The following SHBG variants were observed in gnomAD, a reference collection of about 807,000 sequenced individuals.
SHBG encodes the protein sex hormone-binding globulin.
A neutral mutation model predicts 41.9 loss-of-function variants in SHBG; 37 were observed. The observed-to-expected ratio is 0.88, with a 90% CI of 0.68 to 1.16. The LOEUF (loss-of-function observed/expected upper bound fraction) is 1.16. SHBG is among the 50% of genes most tolerant of loss of function. The probability of loss-of-function intolerance (pLI) is 0.00; values close to 1 mark genes in which losing one functional copy is unlikely to be tolerated. For missense variants in SHBG, 466 were observed against 499.9 expected (o/e 0.93, Z 0.65); for synonymous variants, 217 against 205.8 (o/e 1.05, Z -0.47).
chr17:7,622,566 C>A (rs922350210), intron 1 of SHBG, among the ~76,000 whole-genome samples: 3 of 152,034 alleles, frequency 2.0e-5, no homozygotes. Context: ...AGCCACTGCG[C>A]CTGGCCTGGC....
intron 1 of SHBG, among the ~76,000 whole-genome samples, chr17:7,619,539 C>G (rs1242724540): frequency 1.3e-5 from 2 of 151,468 alleles, no homozygotes; most frequent in Admixed American, 6.6e-5. Context: ...AACCCCATCT[C>G]TACTAAAAAT....
chr17:7,625,736 C>T (rs571474982), upstream of SHBG, among the ~76,000 whole-genome samples: 31 of 150,900 alleles, frequency 2.1e-4, no homozygotes, highest in Middle Eastern at 3.4e-3. Flanking sequence ...ACTAAAAATA[C>T]GAAAATTAGC....
At chr17:7,614,723 T>TCCGCCG (rs1240216771) in intron 1 of SHBG, 2 of 267,470 alleles carry the variant, frequency 7.5e-6, no homozygotes, top group East Asian at 1.4e-4. Context: ...CCGCTCCCCG[T>TCCGCCG]CCGCCGCCGC....
chr17:7,626,966 A>G, upstream of SHBG: 1 of 1,613,956 alleles, frequency 6.2e-7, no homozygotes, highest in Non-Finnish European at 8.5e-7. Context: ...CATCACATAG[A>G]TATCCTCCAG....
At position 7,630,413 on chromosome 17, in the gene SHBG, T is replaced by C. The variant is rs375759256; in HGVS notation, c.112-3T>C. On this transcript the variant is annotated splice_polypyrimidine_tract_variant and splice_region_variant and intron_variant, in intron 1 of 7. Coordinates refer to ENST00000380450, the MANE Select transcript of SHBG (RefSeq NM_001040.5). The surrounding 1 kb of genome is among the most constrained non-coding windows in gnomAD (Gnocchi z 4.6). ...AGCTTTGTTTGTTTTCTCTTTCTGA[T>C]AGAGTGCCCACGACCCTCCGGCTGT... 3.1e-6 allele frequency: 5 copies of C among 1,613,626 alleles called. No individual in the cohort carries two copies. The highest frequency in any genetic ancestry group is 2.2e-5 in the South Asian group (2 of 91,066).
At chr17:7,631,543 T>A (rs2072413560) in intron 4 of SHBG, 46 bp from the exon 5 acceptor site, 1 of 1,610,194 alleles carries the variant, frequency 6.2e-7, no homozygotes, top group Non-Finnish European at 8.5e-7. Flanking sequence ...GCGGCTCCGA[T>A]GCCCTGATTT....
At chr17:7,632,654 A>C (rs2072455578) in intron 6 of SHBG, 98 bp from the exon 7 acceptor site, 1 of 929,934 alleles carries the variant, frequency 1.1e-6, no homozygotes, top group East Asian at 2.4e-5. Flanking sequence ...GGCATAGCGA[A>C]GAGGCAGAAT....
At chr17:7,618,422 C>G (rs563638712) in intron 1 of SHBG, among the ~76,000 whole-genome samples, 1 of 149,082 alleles carries the variant, frequency 6.7e-6, no homozygotes, top group African/African-American at 2.5e-5. Context: ...TAGGTGCCCA[C>G]TGCCACAGCT....
chr17:7,633,200 C>T lies in SHBG; in HGVS notation c.1061-4C>T. On this transcript the variant is annotated splice_polypyrimidine_tract_variant and splice_region_variant and intron_variant, in intron 7 of 7. Transcript: ENST00000380450. The stretch of plus-strand genomic sequence containing the variant: ...AATGCCACCTTTGCACTACCTCCCT[C>T]TAGGAGAAGACTCTTCCACCTCTTT... 6.2e-7 allele frequency: 1 copy of T among 1,614,162 alleles called. No homozygotes were observed. The highest frequency in any genetic ancestry group is 8.5e-7 in the Non-Finnish European group (1 of 1,180,004).
At chr17:7,627,748 G>C (rs1184658226), upstream of SHBG, 7 of 1,214,010 alleles carry the variant, frequency 5.8e-6, no homozygotes, top group South Asian at 1.2e-5. The surrounding 1 kb of genome is among the most constrained non-coding windows in gnomAD (Gnocchi z 4.8). Flanking sequence ...GGGGTGGCGG[G>C]AGTCGGGGGG....
At chr17:7,626,360 A>C, upstream of SHBG, 1 of 1,477,486 alleles carries the variant, frequency 6.8e-7, no homozygotes. Flanking sequence ...AGGCCTCAGC[A>C]TCAGTGTCTG....
At chr17:7,631,032 C>T (rs893616315) in intron 3 of SHBG, among the ~76,000 whole-genome samples, 163 bp downstream of exon 3, 1 of 152,196 alleles carries the variant, frequency 6.6e-6, no homozygotes, top group African/African-American at 2.4e-5. Context: ...GATGGGAATT[C>T]TAAGGCTCAG....
intron 1 of SHBG, among the ~76,000 whole-genome samples, chr17:7,618,030 C>T (rs749826327): frequency 6.6e-6 from 1 of 151,970 alleles, no homozygotes; most frequent in Non-Finnish European, 1.5e-5. Flanking sequence ...ACCAGCCTGG[C>T]CAACATGGTG....
intron 5 of SHBG, 46 bp downstream of exon 5, chr17:7,631,794 C>T: frequency 1.9e-6 from 3 of 1,613,234 alleles, no homozygotes; most frequent in Non-Finnish European, 1.7e-6. Context: ...CCAGCTCAGC[C>T]TGCCTCTGTC....
Position 7,632,971 on chromosome 17 carries a change from T to C in SHBG, c.1060+12T>C, listed in dbSNP as rs761189946. 15 of 1,609,604 alleles carry C rather than the reference T, an allele frequency of 9.3e-6. No homozygotes were observed. The South Asian group carries it at 1.6e-4, about 18-fold the overall frequency. ...GGGGGCTTTACCAGGTAAGAGAGAATGATGTTCAAGTTCATGAGCACAACA... is the reference window on the plus strand; with the variant it reads ...GGGGGCTTTACCAGGTAAGAGAGAACGATGTTCAAGTTCATGAGCACAACA... On this transcript the variant is annotated intron_variant, in intron 7 of 7. Coordinates refer to ENST00000380450, the MANE Select transcript of SHBG (RefSeq NM_001040.5).
Position 7,631,662 on chromosome 17 carries a change from C to A in SHBG, c.629C>A (p.Ala210Asp), listed in dbSNP as rs778311914. Reference sequence around the variant, plus strand: ...AAACAGGCCGAGATCTCAGCATCTGCCCCCACTAGCCTCAGAAGCTGTGAT... The same window carrying A: ...AAACAGGCCGAGATCTCAGCATCTGACCCCACTAGCCTCAGAAGCTGTGAT... ...LDKQAEISASAPTSLRSCDVE... is the reference protein window; with the variant it reads ...LDKQAEISASDPTSLRSCDVE... Residue 210 changes from alanine to aspartate, a missense_variant, in exon 5 of 8, where the codon GCC becomes GAC. Transcript: ENST00000380450. The A allele has an allele frequency of 6.2e-7, 1 of 1,613,992 alleles. No homozygotes were observed. Among genetic ancestry groups the A allele is most frequent in the African/African-American group, 1.3e-5 (1 of 75,054 alleles).
chr17:7,616,451 C>CAAAAAAAAAAA (rs71159512), intron 1 of SHBG, among the ~76,000 whole-genome samples: 6 of 101,520 alleles, frequency 5.9e-5, no homozygotes, highest in East Asian at 3.2e-4. Flanking sequence ...ACTAAAAATA[C>CAAAAAAAAAAA]AAAAAAAAAA....
chr17:7,622,629 G>A (rs1051884653), intron 1 of SHBG, among the ~76,000 whole-genome samples: 6 of 152,090 alleles, frequency 3.9e-5, no homozygotes, highest in Non-Finnish European at 8.8e-5. Flanking sequence ...GGAGCCCAAG[G>A]ATGTAGACAT....
At chr17:7,622,621 A>T (rs1226491787) in intron 1 of SHBG, among the ~76,000 whole-genome samples, 1 of 152,006 alleles carries the variant, frequency 6.6e-6, no homozygotes, top group Admixed American at 6.6e-5. Flanking sequence ...AATGGGCTGG[A>T]GCCCAAGGAT....
Sources: gnomAD v4.1 joint callset for allele counts (sites outside exome capture counted in the v4.1 genomes callset) on GRCh38, gnomAD v4.1.1 for gene constraint, Gnocchi (gnomAD v3.1) non-coding constraint, MANE v1.5 for transcripts, NCBI Gene and HGNC (gene_info 2026-07-23, HGNC 2026-07-21) for gene names.